The following ZNF717 variants were observed in gnomAD, a reference collection of about 807,000 sequenced individuals.
ZNF717 encodes the protein zinc finger protein 717.
ZNF717 carries 9 observed loss-of-function variants against 13.8 expected under a neutral mutation model. The ratio of observed to expected loss-of-function variants is 0.65; its 90% CI spans 0.39 to 1.14. The LOEUF (loss-of-function observed/expected upper bound fraction) is 1.14. ZNF717 is among the 50% of genes most tolerant of loss of function. ZNF717 has a pLI of 0.01. For missense variants in ZNF717, 1,040 were observed against 1,080.7 expected, an observed-to-expected ratio of 0.96 and a Z score of 0.53; for synonymous variants, 327 against 364.1, an observed-to-expected ratio of 0.90 and a Z score of 1.16.
chr3:75,706,900 C>T (rs1937813448), downstream of ZNF717, among the ~76,000 whole-genome samples: 3 of 152,276 alleles, frequency 2.0e-5, no homozygotes, highest in African/African-American at 7.2e-5. Context: ...TCTAAGTTGT[C>T]CTCCAGGGCC....
rs1937732024 is a variant in ZNF717, at chr3:75,703,156, A to T, written n.1085+8031T>A. 2.0e-5 allele frequency among the ~76,000 whole-genome samples: 3 copies of T among 152,420 alleles called. No homozygotes were observed. In the South Asian group the frequency reaches 6.2e-4, roughly 32 times the overall value. On this transcript the variant is annotated intron_variant and non_coding_transcript_variant, in intron 6 of 6. Coordinates refer to the ZNF717 transcript ENST00000648506. ...CACATGCATTCTAGAGTTTGTCCTC[A>T]GTCTTCTCCTACTTTAAGCCCATGA...
intron 2 of ZNF717, among the ~76,000 whole-genome samples, chr3:75,751,337 A>G (rs1260193519): frequency 6.6e-6 from 1 of 151,770 alleles, no homozygotes; most frequent in Non-Finnish European, 1.5e-5. Context: ...AGGATTCCAG[A>G]GCACTGCTAG....
In ZNF717 at chr3:75,741,747, AC is replaced by A; in HGVS notation, c.58-12del. 3 of 1,572,128 alleles carry A rather than the reference AC, an allele frequency of 1.9e-6. No individual in the cohort carries two copies. In the South Asian group the frequency reaches 3.5e-5, roughly 18 times the overall value. ...AAAGGACACCAACTCCTGTAATGAT[AC>A]CAGGCTGTTGTAGGTCTCCAGCATC... On this transcript the variant is annotated splice_polypyrimidine_tract_variant and intron_variant, in intron 2 of 4. Coordinates refer to ENST00000652011, the MANE Select transcript of ZNF717 (RefSeq NM_001290208.3).
downstream of ZNF717, among the ~76,000 whole-genome samples, chr3:75,732,496 T>C (rs1277127128): frequency 6.6e-6 from 1 of 152,226 alleles, no homozygotes; most frequent in East Asian, 1.9e-4. Context: ...GTGGGACCTT[T>C]GAAAGGTAAT....
chr3:75,757,787 A>C (rs1335922610), intron 2 of ZNF717, among the ~76,000 whole-genome samples: 1 of 152,102 alleles, frequency 6.6e-6, no homozygotes, highest in Non-Finnish European at 1.5e-5. Flanking sequence ...GAGAACATTC[A>C]TGATTTAATA....
Position 75,739,032 on chromosome 3 carries a change from A to T in ZNF717, c.591T>A (p.Thr197=). ...RRSHRHHEHL[T]QHHKIQTLLQ... is the part of the protein sequence containing the mutation. ...GCAGAGTTTGAATCTTGTGATGCTG[A>T]GTAAGATGTTCATGATGTCTGTGGG... is the stretch of plus-strand genomic sequence containing the variant. The change falls in exon 5 of 5, where the codon ACT becomes ACA. Residue 197 remains threonine (T), a synonymous_variant. Coordinates refer to ENST00000652011, the MANE Select transcript of ZNF717 (RefSeq NM_001290208.3). 1 of 1,551,598 alleles carries T rather than the reference A, an allele frequency of 6.4e-7. No individual in the cohort carries two copies. Among genetic ancestry groups the T allele is most frequent in the Non-Finnish European group, 8.7e-7 (1 of 1,146,934 alleles).
At chr3:75,699,431 G>A (rs1937642325) in intron 6 of ZNF717, among the ~76,000 whole-genome samples, 1 of 152,306 alleles carries the variant, frequency 6.6e-6, no homozygotes, top group African/African-American at 2.4e-5. Flanking sequence ...GGCCTAGTGG[G>A]GAGGTGATTG....
chr3:75,699,214 A>G (rs1937638853), intron 6 of ZNF717, among the ~76,000 whole-genome samples: 1 of 152,308 alleles, frequency 6.6e-6, no homozygotes, highest in Non-Finnish European at 1.5e-5. Flanking sequence ...AGGAGGAAGG[A>G]ACTAGCTTTG....
At chr3:75,759,113 A>G (rs1942749707) in intron 2 of ZNF717, among the ~76,000 whole-genome samples, 2 of 152,358 alleles carry the variant, frequency 1.3e-5, no homozygotes, top group Admixed American at 1.3e-4. Context: ...AGCACAGTAT[A>G]AACATACTTT....
intron 2 of ZNF717, among the ~76,000 whole-genome samples, chr3:75,779,133 C>T (rs1249348758): frequency 6.6e-6 from 1 of 151,068 alleles, no homozygotes; most frequent in African/African-American, 2.4e-5. Flanking sequence ...AAAACCAGAA[C>T]ACAAAACAAT....
intron 1 of ZNF717, among the ~76,000 whole-genome samples, chr3:75,784,321 A>T (rs533061282): frequency 6.6e-6 from 1 of 152,250 alleles, no homozygotes; most frequent in Non-Finnish European, 1.5e-5. Flanking sequence ...AGTAAGGTTT[A>T]ATTAGTTCCT....
intron 2 of ZNF717, among the ~76,000 whole-genome samples, chr3:75,746,858 G>T (rs377557606): frequency 1.3e-5 from 2 of 152,118 alleles, no homozygotes; most frequent in Non-Finnish European, 2.9e-5. Context: ...GCAAAAGCTC[G>T]TTAGTTTAAT....
chr3:75,742,969 G>C (rs3008983), intron 2 of ZNF717, among the ~76,000 whole-genome samples: 54,560 of 150,170 alleles, frequency 0.36, 5,983 homozygotes, highest in South Asian at 0.52. Flanking sequence ...AGTCCCATAA[G>C]ATGATGATGA....
chr3:75,732,935 A>T (rs76055810), downstream of ZNF717, among the ~76,000 whole-genome samples: 4 of 16,808 alleles, frequency 2.4e-4, no homozygotes, highest in African/African-American at 5.3e-4. Flanking sequence ...CAGGGATTTT[A>T]AAAAAAAATC....
intron 2 of ZNF717, among the ~76,000 whole-genome samples, chr3:75,766,594 G>C (rs1219725107): frequency 2.6e-5 from 4 of 152,226 alleles, no homozygotes; most frequent in Non-Finnish European, 4.4e-5. Context: ...CACAATTATA[G>C]CTGGTGAATT....
At chr3:75,756,185 T>C (rs546775889) in intron 2 of ZNF717, among the ~76,000 whole-genome samples, 1 of 152,400 alleles carries the variant, frequency 6.6e-6, no homozygotes, top group African/African-American at 2.4e-5. Flanking sequence ...TGATCTTTAA[T>C]GCTACTATTG....
chr3:75,737,799 T>G lies in ZNF717; in HGVS notation c.1824A>C (p.Ile608=). 6.4e-7 allele frequency: 1 copy of G among 1,551,644 alleles called. No homozygotes were observed. The highest frequency in any genetic ancestry group is 8.7e-7 in the Non-Finnish European group (1 of 1,146,954). ...TTTCCCCTGTGTGAGTTCTCTTGTG[T>G]ATCCCAAGGTTTAACTTATTGATAA... ...KTFINKLNLG[I]HKRTHTGERP... The change falls in exon 5 of 5, where the codon ATA becomes ATC. Residue 608 remains isoleucine (I), a synonymous_variant. Transcript: ENST00000652011.
At chr3:75,743,407 T>C (rs1940722039) in intron 2 of ZNF717, among the ~76,000 whole-genome samples, 4 of 152,202 alleles carry the variant, frequency 2.6e-5, no homozygotes, top group African/African-American at 9.7e-5. Flanking sequence ...AAAGGGTGAA[T>C]ATACTTAATT....
intron 2 of ZNF717, among the ~76,000 whole-genome samples, chr3:75,754,069 G>A (rs1443991784): frequency 6.6e-6 from 1 of 152,238 alleles, no homozygotes; most frequent in Non-Finnish European, 1.5e-5. Context: ...TGCCACTAGA[G>A]TCGTTGCGAG....
Sources: allele counts gnomAD v4.1 joint callset (sites outside exome capture counted in the v4.1 genomes callset), GRCh38; gene constraint gnomAD v4.1.1; transcripts MANE v1.5; gene names NCBI Gene and HGNC (gene_info 2026-07-23, HGNC 2026-07-21).